MPHOSPH8: variants seen among roughly 807,000 people sequenced by gnomAD.
MPHOSPH8 encodes M-phase phosphoprotein 8.
In MPHOSPH8, 45 loss-of-function variants were observed where a neutral mutation model predicts 87.3. The observed-to-expected ratio is 0.52, with a 90% CI of 0.41 to 0.66. The LOEUF (loss-of-function observed/expected upper bound fraction) is 0.66. MPHOSPH8 is among the 30% of genes least tolerant of loss of function. The pLI is 0.00. For synonymous variants in MPHOSPH8, 366 were observed against 376.9 expected (o/e 0.97, Z 0.33); for missense variants, 883 against 1,020.2 (o/e 0.87, Z 1.83).
In MPHOSPH8 at chr13:19,633,853, C is replaced by A. The variant is rs908383753; in HGVS notation, c.105C>A (p.Gly35=). The change falls in exon 1 of 14, where the codon GGC becomes GGA. Residue 35 remains glycine (G), a synonymous_variant. Transcript: ENST00000361479. ...AEVEEGVGVV[G]EDNDAAARGA... The stretch of plus-strand genomic sequence containing the variant: ...TCGAAGAAGGAGTTGGAGTAGTGGG[C>A]GAAGATAATGACGCAGCCGCGAGAG... 2 of 1,611,032 alleles carry A rather than the reference C, an allele frequency of 1.2e-6. No homozygotes were observed. The highest frequency in any genetic ancestry group is 1.7e-6 in the Non-Finnish European group (2 of 1,178,986).
At chr13:19,637,612 ACC>A (rs1565931436) in intron 1 of MPHOSPH8, among the ~76,000 whole-genome samples, 4 of 144,770 alleles carry the variant, frequency 2.8e-5, no homozygotes, top group Non-Finnish European at 6.1e-5. Context: ...GGCATGAGCC[ACC>A]GCTCCTGGCT....
At chr13:19,669,028 G>T (rs947656602) in intron 11 of MPHOSPH8, among the ~76,000 whole-genome samples, 1 of 152,158 alleles carries the variant, frequency 6.6e-6, no homozygotes, top group Non-Finnish European at 1.5e-5. Flanking sequence ...GTCTGCCGAG[G>T]GGAGGAAGCC....
intron 12 of MPHOSPH8, chr13:19,670,709 T>C (rs755992067): frequency 1.9e-4 from 203 of 1,097,204 alleles, no homozygotes; most frequent in Non-Finnish European, 2.2e-4. Flanking sequence ...ATTTGCTAGA[T>C]ATAGACATTT....
At chr13:19,637,830 G>A (rs368558881) in intron 1 of MPHOSPH8, among the ~76,000 whole-genome samples, 2 of 152,072 alleles carry the variant, frequency 1.3e-5, no homozygotes, top group South Asian at 2.1e-4. Context: ...GGCCGGGCGC[G>A]GTGGGTCACG....
intron 8 of MPHOSPH8, among the ~76,000 whole-genome samples, chr13:19,662,446 C>T (rs1875593633): frequency 6.6e-6 from 1 of 152,038 alleles, no homozygotes; most frequent in Non-Finnish European, 1.5e-5. Flanking sequence ...TTTGTAAAGA[C>T]ATGGTCTCAC....
chr13:19,667,944 C>T (rs1257728378), intron 10 of MPHOSPH8, among the ~76,000 whole-genome samples: 4 of 152,310 alleles, frequency 2.6e-5, no homozygotes, highest in South Asian at 4.1e-4. Flanking sequence ...CTGTTGAACT[C>T]AGTGCTGCTG....
intron 8 of MPHOSPH8, among the ~76,000 whole-genome samples, 153 bp from the exon 9 acceptor site, chr13:19,662,887 C>T (rs1354025591): frequency 6.6e-6 from 1 of 152,238 alleles, no homozygotes; most frequent in East Asian, 1.9e-4. Context: ...GGGCGGGGTG[C>T]ACCCCCGTGG....
chr13:19,641,738 C>A (rs1374091406), intron 1 of MPHOSPH8, among the ~76,000 whole-genome samples: 3 of 151,896 alleles, frequency 2.0e-5, no homozygotes, highest in Non-Finnish European at 4.4e-5. Context: ...TCAGGTGATG[C>A]GCTTGCCTCG....
chr13:19,646,874 T>G lies in MPHOSPH8; in HGVS notation c.801T>G (p.Ser267Arg), dbSNP rs774467966. Reference protein sequence around the residue: ...FVESQVESESSVLNDSPFPED... With the variant: ...FVESQVESESRVLNDSPFPED... ...AATCCCAGGTGGAATCTGAATCAAG[T>G]GTACTTAATGATTCTCCCTTTCCAG... The change falls in exon 3 of 14, where the codon AGT becomes AGG. Residue 267 changes from serine to arginine, a missense_variant. By Grantham distance (110) the Ser-to-Arg change is moderately radical. This residue lies in a region of MPHOSPH8 where 741 missense variants were observed against 841.5 expected (regional missense o/e 0.88). Coordinates refer to ENST00000361479, the MANE Select transcript of MPHOSPH8 (RefSeq NM_017520.4). The G allele has an allele frequency of 1.7e-5, 27 of 1,603,344 alleles. No homozygotes were observed. Among genetic ancestry groups the G allele is most frequent in the Non-Finnish European group, 2.2e-5 (26 of 1,177,412 alleles).
At chr13:19,634,509 T>A (rs1326672122) in intron 1 of MPHOSPH8, among the ~76,000 whole-genome samples, 3 of 152,188 alleles carry the variant, frequency 2.0e-5, no homozygotes, top group Admixed American at 6.5e-5. Context: ...ACAGAAATAC[T>A]TGGAATTCAT....
chr13:19,650,429 A>T, intron 5 of MPHOSPH8, 169 bp downstream of exon 5: 1 of 682,172 alleles, frequency 1.5e-6, no homozygotes, highest in Non-Finnish European at 2.3e-6. Context: ...TCATTCTGTG[A>T]CTTCTCAATG....
intron 5 of MPHOSPH8, among the ~76,000 whole-genome samples, chr13:19,658,779 T>A (rs921262302): frequency 6.6e-6 from 1 of 152,246 alleles, no homozygotes; most frequent in Non-Finnish European, 1.5e-5. Context: ...TTTATCTTTA[T>A]GCCTTCAGAG....
In MPHOSPH8 at chr13:19,673,167, G is replaced by T; in HGVS notation, c.*1292G>T. On this transcript the variant is annotated 3_prime_UTR_variant, in exon 14 of 14. Transcript: ENST00000361479. ...CACCGACTGGGAAGATGGGGCTTAG[G>T]TAACAGCCAAACCTGGCTGTCAGCT... 1 of 452,522 alleles carries T rather than the reference G, an allele frequency of 2.2e-6. No homozygotes were observed. The highest frequency in any genetic ancestry group is 4.4e-6 in the Non-Finnish European group (1 of 226,134). 28.0% of individuals were successfully genotyped at this position (452,522 alleles called of 1,614,324 possible). A position where few individuals can be genotyped will look rare whatever the true frequency, so the allele number is the denominator to read the frequency against.
chr13:19,654,611 T>G (rs1174988882), intron 5 of MPHOSPH8, among the ~76,000 whole-genome samples: 1 of 152,234 alleles, frequency 6.6e-6, no homozygotes, highest in African/African-American at 2.4e-5. Context: ...TAACTTATTC[T>G]GGGAGACCAT....
intron 10 of MPHOSPH8, among the ~76,000 whole-genome samples, chr13:19,667,029 G>GT (rs1388412707): frequency 6.6e-6 from 1 of 152,028 alleles, no homozygotes; most frequent in Non-Finnish European, 1.5e-5. Flanking sequence ...GGGCGTGGTG[G>GT]TGGGTACCTG....
At chr13:19,668,650 T>C in intron 11 of MPHOSPH8, 119 bp downstream of exon 11, 1 of 1,165,836 alleles carries the variant, frequency 8.6e-7, no homozygotes, top group Non-Finnish European at 1.2e-6. Flanking sequence ...CGTGTAATAA[T>C]TCTGCAGACC....
chr13:19,660,543 A>G (rs1411634711), intron 7 of MPHOSPH8, among the ~76,000 whole-genome samples: 1 of 152,202 alleles, frequency 6.6e-6, no homozygotes, highest in Non-Finnish European at 1.5e-5. Flanking sequence ...AATAATATAG[A>G]TTGAGAATTG....
intron 12 of MPHOSPH8, 23 bp from the exon 13 acceptor site, chr13:19,671,181 CTT>C: frequency 6.2e-7 from 1 of 1,602,556 alleles, no homozygotes; most frequent in Non-Finnish European, 8.5e-7. Flanking sequence ...AAAACACTGA[CTT>C]TTTTTTTCTC....
Position 19,642,260 on chromosome 13 carries a change from A to G in MPHOSPH8, c.359A>G (p.Lys120Arg), listed in dbSNP as rs1874334860. ...GAGAACAAAGCCAAAGCAGTCAGGA[A>G]GGATATTCAGGTACTATGTTTTGTC... ...IAENKAKAVRKDIQRLSLNND... is the reference protein window; with the variant it reads ...IAENKAKAVRRDIQRLSLNND... The change falls in exon 2 of 14, where the codon AAG becomes AGG. Residue 120 changes from lysine (K) to arginine (R), a missense_variant. Around this residue, in one of 3 missense-constraint regions of MPHOSPH8, gnomAD observed 39 missense variants for 82.4 expected, o/e 0.47. Coordinates refer to ENST00000361479, the MANE Select transcript of MPHOSPH8 (RefSeq NM_017520.4). The G allele has an allele frequency of 6.3e-7, 1 of 1,590,662 alleles. No individual in the cohort carries two copies. Among genetic ancestry groups the G allele is most frequent in the African/African-American group, 1.4e-5 (1 of 73,460 alleles).
Sources: gnomAD v4.1 joint callset for allele counts (sites outside exome capture counted in the v4.1 genomes callset) on GRCh38, gnomAD v4.1.1 for gene constraint, gnomAD v4.1.1 regional missense constraint, MANE v1.5 for transcripts, NCBI Gene and HGNC (gene_info 2026-07-23, HGNC 2026-07-21) for gene names.